The following SCNN1D variants were observed in gnomAD, a reference collection of about 807,000 sequenced individuals.
The protein encoded by SCNN1D is sodium channel epithelial 1 subunit delta.
SCNN1D carries 104 observed loss-of-function variants against 87.8 expected under a neutral mutation model. The ratio of observed to expected loss-of-function variants is 1.18; its 90% CI spans 1.01 to 1.39. The LOEUF is 1.39. Ranked by LOEUF, SCNN1D falls within the 40% of genes most tolerant of loss-of-function variation. SCNN1D has a pLI of 0.00. For synonymous variants in SCNN1D, 628 were observed against 481.2 expected, an observed-to-expected ratio of 1.31 and a Z score of -3.99; for missense variants, 1,324 against 1,093.9, an observed-to-expected ratio of 1.21 and a Z score of -2.97.
chr1:1,282,364 GT>G, intron 4 of SCNN1D, 49 bp downstream of exon 4: 7 of 1,544,312 alleles, frequency 4.5e-6, no homozygotes, highest in Non-Finnish European at 6.1e-6. Flanking sequence ...GCTGGACCCT[GT>G]GGGGCTGGGC....
At chr1:1,288,746 TCTGCTCCGTCCCGTGTCC>T (rs1557585005) in intron 12 of SCNN1D, among the ~76,000 whole-genome samples, 1 of 5,876 alleles carries the variant, frequency 1.7e-4, no homozygotes. Flanking sequence ...GTCCCGTGTC[TCTGCTCCGTCCCGTGTCC>T]CTGCTCCGTC....
chr1:1,286,382 C>G, intron 7 of SCNN1D, 104 bp downstream of exon 7: 1 of 947,398 alleles, frequency 1.1e-6, no homozygotes, highest in South Asian at 1.7e-5. Context: ...GAGGAGGGGG[C>G]TCTGTGTGGT....
At chr1:1,281,985 C>A in intron 3 of SCNN1D, 1 of 581,972 alleles carries the variant, frequency 1.7e-6, no homozygotes, top group Non-Finnish European at 3.1e-6. Context: ...GCCGCCCGGG[C>A]CATGTGTGCC....
At position 1,281,523 on chromosome 1, in the gene SCNN1D, G is replaced by A. The variant is rs1000466971; in HGVS notation, c.190G>A (p.Gly64Arg). 82 of 1,535,416 alleles carry A rather than the reference G, an allele frequency of 5.3e-5. No homozygotes were observed. Among genetic ancestry groups the A allele is most frequent in the Non-Finnish European group, 6.0e-5 (69 of 1,146,658 alleles). Residue 64 changes from glycine to arginine, a missense_variant, in exon 3 of 18, where the codon GGA (glycine) becomes AGA (arginine). By Grantham distance (125) the Gly-to-Arg change is moderately radical. Coordinates refer to ENST00000379116, the MANE Select transcript of SCNN1D (RefSeq NM_001130413.4). The stretch of plus-strand genomic sequence containing the variant: ...GAGGGGATGGCCCAGAAGAGGGGGA[G>A]GACCATGTGGATTCACCAGTGCTGG... ...PARGWPRRGGGPCGFTSAGHV... is the reference protein window; with the variant it reads ...PARGWPRRGGRPCGFTSAGHV...
intron 12 of SCNN1D, among the ~76,000 whole-genome samples, chr1:1,289,654 C>CCT (rs1397973073): frequency 7.3e-5 from 1 of 13,734 alleles, no homozygotes; most frequent in Non-Finnish European, 1.2e-4. Context: ...TGCTCCGTCC[C>CCT]GTGTCCCTGC....
In SCNN1D at chr1:1,282,328, A is replaced by C. The variant is rs1570600852; in HGVS notation, c.351+13A>C. 3 of 1,549,502 alleles carry C rather than the reference A, an allele frequency of 1.9e-6. No individual in the cohort carries two copies. Among genetic ancestry groups the C allele is most frequent in the African/African-American group, 1.4e-5 (1 of 72,964 alleles). Reference sequence around the variant, plus strand: ...CCAGAGCCGGCAGGCAGGTGACCTCACCCTCCTCAGAGCCATGGCTCTGCT... The same window carrying C: ...CCAGAGCCGGCAGGCAGGTGACCTCCCCCTCCTCAGAGCCATGGCTCTGCT... On this transcript the variant is annotated intron_variant, in intron 4 of 17. Transcript: ENST00000379116.
At chr1:1,286,640 G>T (rs1297555812) in intron 7 of SCNN1D, 128 bp from the exon 8 acceptor site, 2 of 896,412 alleles carry the variant, frequency 2.2e-6, no homozygotes, top group East Asian at 2.7e-5. Flanking sequence ...TCCAGCTCTG[G>T]GTCCAGCTCA....
chr1:1,286,857 G>A lies in SCNN1D; in HGVS notation c.1001G>A (p.Gly334Asp). The A allele has an allele frequency of 1.2e-6, 2 of 1,612,642 alleles. No individual in the cohort carries two copies. Among genetic ancestry groups the A allele is most frequent in the Non-Finnish European group, 1.7e-6 (2 of 1,179,912 alleles). Residue 334 changes from glycine to aspartate, a missense_variant, in exon 8 of 18, where the codon GGC becomes GAC. By Grantham distance (94) the Gly-to-Asp change is moderately conservative. Coordinates refer to ENST00000379116, the MANE Select transcript of SCNN1D (RefSeq NM_001130413.4). ...CTGTACAACGTCAACCTCAGCAAAG[G>A]CAGAGCCGCCCTCTCCGCCACTGTC... is the stretch of plus-strand genomic sequence containing the variant. ...DSLYNVNLSK[G>D]RAALSATVPR...
rs775936078 is a variant in SCNN1D at position 1,287,311 on chromosome 1, G to A, written c.1310+12G>A. The A allele has an allele frequency of 1.3e-5, 20 of 1,566,250 alleles. No individual in the cohort carries two copies. The highest frequency in any genetic ancestry group is 1.5e-5 in the Non-Finnish European group (17 of 1,153,790). On this transcript the variant is annotated intron_variant, in intron 9 of 17. Transcript: ENST00000379116. ...GACTGCCAGGCCCGGTGAGTGTGGC[G>A]GGCGGGGGCCACTCCTTCCGTCCCA...
chr1:1,282,805 T>G (rs185806797), intron 4 of SCNN1D, among the ~76,000 whole-genome samples: 3 of 150,888 alleles, frequency 2.0e-5, no homozygotes, highest in Non-Finnish European at 2.9e-5. Flanking sequence ...CAGGCTGGAG[T>G]GCAGTGGCAC....
intron 12 of SCNN1D, 120 bp downstream of exon 12, chr1:1,288,157 C>T (rs375701231): frequency 2.7e-6 from 2 of 736,058 alleles, no homozygotes; most frequent in Non-Finnish European, 4.4e-6. Flanking sequence ...ACGGGGCAGT[C>T]CCCGTGGAGG....
intron 5 of SCNN1D, among the ~76,000 whole-genome samples, chr1:1,284,713 G>A (rs897643774): frequency 2.0e-4 from 30 of 152,086 alleles, no homozygotes; most frequent in Non-Finnish European, 3.7e-4. Context: ...CAGATACTGC[G>A]TGTCCAGGCG....
In SCNN1D at chr1:1,286,161, G is replaced by T. The variant is rs1178635364; in HGVS notation, c.794G>T (p.Trp265Leu). Reference sequence around the variant, plus strand: ...CTGGGAGCCCTGGTCGCGCTCTGCTGGCAGCTGGGGCTCCTCTTTGAGCGT... The same window carrying T: ...CTGGGAGCCCTGGTCGCGCTCTGCTTGCAGCTGGGGCTCCTCTTTGAGCGT... ...LSLGALVALC[W>L]QLGLLFERHW... The change falls in exon 7 of 18, where the codon TGG becomes TTG. Residue 265 changes from tryptophan to leucine, a missense_variant. Transcript: ENST00000379116. 6.2e-7 allele frequency: 1 copy of T among 1,607,378 alleles called. No individual in the cohort carries two copies. The highest frequency in any genetic ancestry group is 1.3e-5 in the African/African-American group (1 of 74,918).
In SCNN1D at chr1:1,291,857, GAC is replaced by G. The variant is rs1411698149; in HGVS notation, c.*250_*251del. ...GCACACGAGTGCGGCTGGACGTGCC[GAC>G]ACGCGGTGATGTACCCATGCTCCGT... is the stretch of plus-strand genomic sequence containing the variant. On this transcript the variant is annotated 3_prime_UTR_variant, in exon 18 of 18. Coordinates refer to ENST00000379116, the MANE Select transcript of SCNN1D (RefSeq NM_001130413.4). 1.6e-5 allele frequency: 7 copies of G among 425,486 alleles called. No homozygotes were observed. Among genetic ancestry groups the G allele is most frequent in the Non-Finnish European group, 2.1e-5 (5 of 239,850 alleles). The allele number at this position is 425,486 out of a possible 1,614,324, so 26.4% of individuals were successfully genotyped here.
chr1:1,281,515 GA>G lies in SCNN1D; in HGVS notation c.183del (p.Gly63GlufsTer73). ...GGGCCAGCGAGGGGATGGCCCAGAA[GA>G]GGGGGAGGACCATGTGGATTCACCA... ...CTGPARGWPR[R>X]GGGPCGFTSA... is the part of the protein sequence containing the mutation. On this transcript the variant is annotated frameshift_variant, in exon 3 of 18. Transcript: ENST00000379116. LOFTEE classifies it high-confidence loss of function. 1.3e-6 allele frequency: 2 copies of G among 1,535,274 alleles called. No individual in the cohort carries two copies. The highest frequency in any genetic ancestry group is 1.7e-6 in the Non-Finnish European group (2 of 1,146,514).
In SCNN1D at chr1:1,287,840, A is replaced by G; in HGVS notation, c.1563+4A>G. On this transcript the variant is annotated splice_donor_region_variant and intron_variant, in intron 11 of 17. Coordinates refer to ENST00000379116, the MANE Select transcript of SCNN1D (RefSeq NM_001130413.4). ...GGCCACCATCAGCATCCGAGAGGTG[A>G]GCTGGCCTCTGCAGCCAACCTCCGG... The G allele has an allele frequency of 6.5e-7, 1 of 1,536,716 alleles. No individual in the cohort carries two copies. Among genetic ancestry groups the G allele is most frequent in the Non-Finnish European group, 8.8e-7 (1 of 1,136,958 alleles).
intron 3 of SCNN1D, 91 bp downstream of exon 3, chr1:1,281,701 G>T: frequency 1.7e-6 from 2 of 1,206,622 alleles, no homozygotes; most frequent in South Asian, 1.5e-5. Flanking sequence ...GATGTGCTCT[G>T]ACTGAGGCCC....
chr1:1,280,742 G>T, intron 1 of SCNN1D, 76 bp downstream of exon 1: 1 of 694,592 alleles, frequency 1.4e-6, no homozygotes, highest in South Asian at 1.5e-5. Flanking sequence ...GCTAAGACCA[G>T]GGGTCCATCC....
rs1336587841 is a variant in SCNN1D, at chr1:1,291,793, G to C, written c.*183G>C. ...CAAACCACCTACACTGCCTGGGGTG[G>C]GTCTCAAGGAGGCCCGGGGCGGAGG... is the stretch of plus-strand genomic sequence containing the variant. On this transcript the variant is annotated 3_prime_UTR_variant, in exon 18 of 18. Transcript: ENST00000379116. 1 of 485,894 alleles carries C rather than the reference G, an allele frequency of 2.1e-6. No homozygotes were observed. The highest frequency in any genetic ancestry group is 3.6e-6 in the Non-Finnish European group (1 of 280,688). The allele number at this position is 485,894 out of a possible 1,614,324, so 30.1% of individuals were successfully genotyped here.
Sources: gnomAD v4.1 joint callset for allele counts (sites outside exome capture counted in the v4.1 genomes callset) on GRCh38, gnomAD v4.1.1 for gene constraint, MANE v1.5 for transcripts, NCBI Gene and HGNC (gene_info 2026-07-23, HGNC 2026-07-21) for gene names.